Variants in LANCL2 observed in about 807,000 individuals in gnomAD.
LANCL2 encodes lanC-like protein 2.
In LANCL2, 33 loss-of-function variants were observed where a neutral mutation model predicts 56.9. That is an observed-to-expected ratio of 0.58 (90% confidence interval 0.44 to 0.78). LANCL2 has a LOEUF of 0.78. Ranked by LOEUF, LANCL2 falls within the 30% of genes least tolerant of loss-of-function variation. The pLI is 0.00. For missense variants in LANCL2, 562 were observed against 580.2 expected (o/e 0.97, Z 0.32); for synonymous variants, 233 against 228.2 (o/e 1.02, Z -0.19).
At chr7:55,417,840 G>T (rs571298686) in intron 6 of LANCL2, among the ~76,000 whole-genome samples, 51 of 152,070 alleles carry the variant, frequency 3.4e-4, no homozygotes, top group African/African-American at 1.2e-3. Flanking sequence ...CACCATACCC[G>T]GCTAGTTTTT....
chr7:55,388,999 GC>G (rs1269887325), intron 1 of LANCL2, among the ~76,000 whole-genome samples: 1 of 152,244 alleles, frequency 6.6e-6, no homozygotes, highest in African/African-American at 2.4e-5. Context: ...CTTTAGAACA[GC>G]CAACAGTTGA....
At chr7:55,382,425 G>A (rs911072320) in intron 1 of LANCL2, among the ~76,000 whole-genome samples, 20 of 152,172 alleles carry the variant, frequency 1.3e-4, no homozygotes, top group African/African-American at 3.6e-4. Context: ...CTGCTTGCCC[G>A]CTGCCCACAC....
intron 1 of LANCL2, among the ~76,000 whole-genome samples, chr7:55,378,935 A>AT (rs1441228400): frequency 6.6e-6 from 1 of 152,204 alleles, no homozygotes; most frequent in Non-Finnish European, 1.5e-5. Context: ...GATCGAGACC[A>AT]TCCTGGCTAA....
intron 1 of LANCL2, among the ~76,000 whole-genome samples, chr7:55,372,845 T>C (rs1003703669): frequency 6.6e-6 from 1 of 152,226 alleles, no homozygotes; most frequent in African/African-American, 2.4e-5. Context: ...AGATGTACAA[T>C]ATTTATATGG....
At chr7:55,403,142 G>C (rs1402061159) in intron 5 of LANCL2, among the ~76,000 whole-genome samples, 2 of 152,268 alleles carry the variant, frequency 1.3e-5, no homozygotes, top group East Asian at 3.9e-4. Flanking sequence ...ACTCCAGCCT[G>C]GGCACCATTG....
intron 8 of LANCL2, among the ~76,000 whole-genome samples, chr7:55,430,427 G>A (rs991622015): frequency 6.6e-6 from 1 of 152,170 alleles, no homozygotes; most frequent in Non-Finnish European, 1.5e-5. Context: ...ACTAATCCAT[G>A]GTGGACCAAG....
At chr7:55,431,160 T>G (rs1185074825) in intron 8 of LANCL2, 66 bp from the exon 9 acceptor site, 3 of 1,178,682 alleles carry the variant, frequency 2.5e-6, no homozygotes, top group African/African-American at 1.6e-5. Flanking sequence ...GGGAAATGAT[T>G]AAAAGTCACT....
At chr7:55,370,340 A>G (rs1258710090) in intron 1 of LANCL2, among the ~76,000 whole-genome samples, 3 of 152,216 alleles carry the variant, frequency 2.0e-5, no homozygotes, top group East Asian at 1.9e-4. Flanking sequence ...GTGACATACC[A>G]TCACACCTGC....
chr7:55,416,212 G>C (rs774472205), intron 6 of LANCL2, among the ~76,000 whole-genome samples: 1 of 152,060 alleles, frequency 6.6e-6, no homozygotes, highest in African/African-American at 2.4e-5. Flanking sequence ...GATTGACCAG[G>C]GTTGATTAAT....
intron 5 of LANCL2, among the ~76,000 whole-genome samples, chr7:55,406,812 A>G (rs1790413006): frequency 6.6e-6 from 1 of 152,200 alleles, no homozygotes; most frequent in African/African-American, 2.4e-5. Context: ...AAACAACAAA[A>G]CAGAAACCGA....
chr7:55,370,823 G>A (rs572414388), intron 1 of LANCL2, among the ~76,000 whole-genome samples: 2 of 152,304 alleles, frequency 1.3e-5, no homozygotes, highest in Admixed American at 1.3e-4. Flanking sequence ...TGGCACTGGG[G>A]AGTATTGAGG....
chr7:55,383,915 C>G (rs966718227), intron 1 of LANCL2, among the ~76,000 whole-genome samples: 13 of 152,296 alleles, frequency 8.5e-5, no homozygotes, highest in African/African-American at 2.9e-4. Flanking sequence ...ACAAGGACAG[C>G]TTGGAGGTTA....
chr7:55,424,909 G>A (rs1393395524), intron 6 of LANCL2, among the ~76,000 whole-genome samples: 2 of 152,216 alleles, frequency 1.3e-5, no homozygotes, highest in Non-Finnish European at 2.9e-5. Context: ...AGGGATCTAG[G>A]TTGCGCGCTC....
At chr7:55,406,492 G>A (rs1342461256) in intron 5 of LANCL2, among the ~76,000 whole-genome samples, 1 of 152,138 alleles carries the variant, frequency 6.6e-6, no homozygotes, top group Non-Finnish European at 1.5e-5. Flanking sequence ...AGCAGGGGAC[G>A]GGCAGAGCAG....
chr7:55,394,064 C>CA (rs1485955483), intron 2 of LANCL2: 6 of 152,292 alleles, frequency 3.9e-5, no homozygotes, highest in African/African-American at 1.4e-4. Flanking sequence ...TGTAAGAAAC[C>CA]ACAGTTCTCA....
intron 6 of LANCL2, 66 bp downstream of exon 6, chr7:55,412,155 G>C: frequency 6.7e-7 from 1 of 1,494,576 alleles, no homozygotes; most frequent in Non-Finnish European, 9.1e-7. Flanking sequence ...CAGGTTTTGG[G>C]TCTTGCTTTG....
intron 1 of LANCL2, among the ~76,000 whole-genome samples, chr7:55,375,704 T>C (rs1789992978): frequency 6.6e-6 from 1 of 152,242 alleles, no homozygotes; most frequent in African/African-American, 2.4e-5. Flanking sequence ...CTCCTCTGCT[T>C]AGAATTTCAT....
intron 1 of LANCL2, among the ~76,000 whole-genome samples, chr7:55,388,140 A>G (rs762234544): frequency 6.6e-6 from 1 of 152,234 alleles, no homozygotes; most frequent in Non-Finnish European, 1.5e-5. Context: ...GGGCCATAAT[A>G]TGTAACCAGC....
At chr7:55,376,222 C>T (rs1789998268) in intron 1 of LANCL2, among the ~76,000 whole-genome samples, 1 of 152,138 alleles carries the variant, frequency 6.6e-6, no homozygotes, top group Non-Finnish European at 1.5e-5. Context: ...GTTACTTTAC[C>T]TCTCTCCTGT....
Sources: gnomAD v4.1 joint callset for allele counts (sites outside exome capture counted in the v4.1 genomes callset) on GRCh38, gnomAD v4.1.1 for gene constraint, MANE v1.5 for transcripts, NCBI Gene and HGNC (gene_info 2026-07-23, HGNC 2026-07-21) for gene names.